The following PBRM1 variants were observed in gnomAD, a reference collection of about 807,000 sequenced individuals.
The protein encoded by PBRM1 is protein polybromo-1.
A neutral mutation model predicts 194.5 loss-of-function variants in PBRM1; 27 were observed. That is an observed-to-expected ratio of 0.14 (90% CI 0.10 to 0.19). The LOEUF (loss-of-function observed/expected upper bound fraction) is 0.19. PBRM1 is among the 10% of genes least tolerant of loss of function. The pLI, the probability that PBRM1 is intolerant of heterozygous loss-of-function variation, is 1.00. For missense variants in PBRM1, 1,466 were observed against 2,077.2 expected (o/e 0.71, Z 5.72); for synonymous variants, 655 against 693.2 (o/e 0.94, Z 0.87).
At chr3:52,614,121 C>A (rs1330776885) in intron 15 of PBRM1, among the ~76,000 whole-genome samples, 1 of 151,928 alleles carries the variant, frequency 6.6e-6, no homozygotes, top group Non-Finnish European at 1.5e-5. Context: ...ACCCGTAATC[C>A]CAGCACTTTG....
intron 5 of PBRM1, among the ~76,000 whole-genome samples, chr3:52,656,652 G>A (rs1294488007): frequency 2.0e-5 from 3 of 152,166 alleles, no homozygotes; most frequent in Non-Finnish European, 4.4e-5. Flanking sequence ...GTGACAGAAC[G>A]AGACTCCGTC....
chr3:52,670,944 C>T (rs556031434), intron 2 of PBRM1, among the ~76,000 whole-genome samples: 11 of 152,296 alleles, frequency 7.2e-5, no homozygotes, highest in South Asian at 6.2e-4. Flanking sequence ...CTAGCCAATA[C>T]GAGAGCTGAA....
chr3:52,680,730 T>C (rs2097189976), upstream of PBRM1, among the ~76,000 whole-genome samples: 1 of 152,106 alleles, frequency 6.6e-6, no homozygotes, highest in African/African-American at 2.4e-5. Flanking sequence ...CGATCTCTGC[T>C]CACTGCAACC....
intron 15 of PBRM1, among the ~76,000 whole-genome samples, chr3:52,610,503 T>G (rs1032231046): frequency 2.0e-5 from 3 of 152,238 alleles, no homozygotes; most frequent in Non-Finnish European, 2.9e-5. Flanking sequence ...AATAGTAATG[T>G]TGAGGAGCCC....
intron 7 of PBRM1, among the ~76,000 whole-genome samples, chr3:52,645,141 T>C (rs1198918577): frequency 6.6e-6 from 1 of 152,220 alleles, no homozygotes. Context: ...TTGCCAAACC[T>C]GGAACACATT....
chr3:52,577,660 G>A (rs1575948968), intron 21 of PBRM1, among the ~76,000 whole-genome samples: 1 of 151,946 alleles, frequency 6.6e-6, no homozygotes, highest in African/African-American at 2.4e-5. Context: ...ATCTTTCTCA[G>A]ACCCCACACT....
At chr3:52,573,387 G>C (rs559992222) in intron 22 of PBRM1, among the ~76,000 whole-genome samples, 1 of 151,768 alleles carries the variant, frequency 6.6e-6, no homozygotes, top group African/African-American at 2.4e-5. Flanking sequence ...TCCACCTCTC[G>C]GGTTCAAACA....
At chr3:52,582,088 CA>C (rs1350818506) in intron 20 of PBRM1, among the ~76,000 whole-genome samples, 2 of 148,066 alleles carry the variant, frequency 1.4e-5, no homozygotes, top group African/African-American at 4.9e-5. Context: ...ACTAAAAATA[CA>C]AAAATAGCCG....
At chr3:52,606,475 T>C (rs551326632) in intron 16 of PBRM1, among the ~76,000 whole-genome samples, 22 of 152,330 alleles carry the variant, frequency 1.4e-4, no homozygotes, top group African/African-American at 5.1e-4. Flanking sequence ...ATACCTTTCA[T>C]GGTATACTAA....
intron 5 of PBRM1, among the ~76,000 whole-genome samples, chr3:52,652,958 A>G (rs1249231752): frequency 6.6e-6 from 1 of 152,162 alleles, no homozygotes; most frequent in Non-Finnish European, 1.5e-5. Context: ...AGATCACGCC[A>G]TTGTACTCCA....
intron 17 of PBRM1, among the ~76,000 whole-genome samples, chr3:52,593,926 T>C (rs560669997): frequency 1.3e-5 from 2 of 152,366 alleles, no homozygotes; most frequent in South Asian, 4.1e-4. Flanking sequence ...GAGAGTTCTC[T>C]AGATGTCTAT....
At chr3:52,594,552 GTTTCT>G (rs2093390971) in intron 17 of PBRM1, among the ~76,000 whole-genome samples, 1 of 152,032 alleles carries the variant, frequency 6.6e-6, no homozygotes, top group Non-Finnish European at 1.5e-5. Context: ...TGCCACTCTT[GTTTCT>G]TTTAATTGGA....
intron 22 of PBRM1, among the ~76,000 whole-genome samples, chr3:52,574,743 T>C (rs1283253063): frequency 6.6e-6 from 1 of 152,180 alleles, no homozygotes; most frequent in Non-Finnish European, 1.5e-5. Flanking sequence ...TGGCTGAGTG[T>C]TGAAGGTGTG....
intron 4 of PBRM1, among the ~76,000 whole-genome samples, chr3:52,659,896 A>G (rs1425166482): frequency 6.6e-6 from 1 of 152,222 alleles, no homozygotes; most frequent in Non-Finnish European, 1.5e-5. Context: ...GTTCGAGACC[A>G]GTCTGGCCAA....
At chr3:52,640,919 G>A (rs1401911382) in intron 10 of PBRM1, among the ~76,000 whole-genome samples, 1 of 152,112 alleles carries the variant, frequency 6.6e-6, no homozygotes, top group Non-Finnish European at 1.5e-5. Context: ...GATCACAGGT[G>A]TGAGCCACTA....
Position 52,586,691 on chromosome 3 carries a change from G to T in PBRM1, c.3124-3C>A. 1 of 1,592,608 alleles carries T rather than the reference G, an allele frequency of 6.3e-7. No homozygotes were observed. The highest frequency in any genetic ancestry group is 1.4e-5 in the African/African-American group (1 of 74,008). On this transcript the variant is annotated splice_polypyrimidine_tract_variant and splice_region_variant and intron_variant, in intron 19 of 29. Coordinates refer to ENST00000296302, the Ensembl canonical transcript of PBRM1. The stretch of plus-strand genomic sequence containing the variant: ...TCTGGGCATAACTTAAAGTATTCCT[G>T]GGGGGTGGGGAGGGCATAAGAATAA...
At chr3:52,655,637 C>T (rs575908900) in intron 5 of PBRM1, among the ~76,000 whole-genome samples, 2 of 152,288 alleles carry the variant, frequency 1.3e-5, no homozygotes, top group African/African-American at 4.8e-5. Flanking sequence ...TCTAGAGAAT[C>T]ATCATACTGT....
At chr3:52,660,770 C>T (rs1252834612) in intron 4 of PBRM1, among the ~76,000 whole-genome samples, 1 of 152,104 alleles carries the variant, frequency 6.6e-6, no homozygotes, top group Admixed American at 6.6e-5. Context: ...GCCTTGGCCT[C>T]CCAAAGTGCT....
In PBRM1 at chr3:52,643,510, G is replaced by A. The variant is rs142531551; in HGVS notation, c.900-167C>T. ...CTGCTTCAGGCCCTGGGGACTCTGCGGGGAAGAACAGACCAGGGCTGGTCC... is the reference window on the plus strand; with the variant it reads ...CTGCTTCAGGCCCTGGGGACTCTGCAGGGAAGAACAGACCAGGGCTGGTCC... On this transcript the variant is annotated intron_variant, in intron 8 of 29. Coordinates refer to ENST00000296302, the Ensembl canonical transcript of PBRM1. Among the ~76,000 whole-genome samples, 238 of 152,290 alleles carry A rather than the reference G, an allele frequency of 1.6e-3. 1 individual carries two copies. Among genetic ancestry groups the A allele is most frequent in the African/African-American group, 5.6e-3 (232 of 41,574 alleles).
Sources: allele counts gnomAD v4.1 joint callset (sites outside exome capture counted in the v4.1 genomes callset), GRCh38; gene constraint gnomAD v4.1.1; transcripts MANE v1.5; gene names NCBI Gene and HGNC (gene_info 2026-07-23, HGNC 2026-07-21).